Variants in PRKG1 observed in about 807,000 individuals in gnomAD.
PRKG1 encodes the protein protein kinase cGMP-dependent 1.
In PRKG1, 35 loss-of-function variants were observed where a neutral mutation model predicts 88.1. The ratio of observed to expected loss-of-function variants is 0.40; its 90% CI spans 0.30 to 0.53. PRKG1 has a LOEUF of 0.53. Among genes scored for constraint, PRKG1 ranks in the 20% least tolerant of loss-of-function variants. The probability of loss-of-function intolerance (pLI) is 0.59; values close to 1 mark genes in which losing one functional copy is unlikely to be tolerated. For synonymous variants in PRKG1, 303 were observed against 292.5 expected (o/e 1.04, Z -0.37); for missense variants, 540 against 839.8 (o/e 0.64, Z 4.41).
At chr10:52,264,490 G>A (rs1262955533) in intron 10 of PRKG1, among the ~76,000 whole-genome samples, 2 of 151,506 alleles carry the variant, frequency 1.3e-5, no homozygotes, top group East Asian at 1.9e-4. Context: ...TATATTAAAC[G>A]TGGGTTACTT....
chr10:52,232,820 G>C (rs1479424158), intron 9 of PRKG1, among the ~76,000 whole-genome samples: 1 of 152,118 alleles, frequency 6.6e-6, no homozygotes, highest in Non-Finnish European at 1.5e-5. Context: ...AGTTTCTAAG[G>C]CTTCCACCTC....
intron 4 of PRKG1, among the ~76,000 whole-genome samples, chr10:51,905,138 A>T (rs770273590): frequency 1.3e-5 from 2 of 152,172 alleles, no homozygotes; most frequent in African/African-American, 4.8e-5. Context: ...TTCAACCTAC[A>T]TAACTCATGG....
chr10:51,077,900 C>T (rs984939904), intron 1 of PRKG1, among the ~76,000 whole-genome samples: 2 of 152,060 alleles, frequency 1.3e-5, no homozygotes, highest in African/African-American at 2.4e-5. Flanking sequence ...AAAACAAAAC[C>T]TAAGCATTCA....
intron 3 of PRKG1, among the ~76,000 whole-genome samples, chr10:51,505,051 G>A (rs1025269997): frequency 2.8e-4 from 42 of 152,116 alleles, no homozygotes; most frequent in African/African-American, 7.7e-4. Context: ...TCTTGTGCCC[G>A]TTTTCAAAGG....
At chr10:51,817,431 G>C (rs1839622160) in intron 4 of PRKG1, among the ~76,000 whole-genome samples, 1 of 143,468 alleles carries the variant, frequency 7.0e-6, no homozygotes, top group Admixed American at 7.9e-5. Context: ...TCCCGCTTAT[G>C]AGTGAGAATA....
chr10:51,482,567 A>G (rs1015692272), intron 3 of PRKG1, among the ~76,000 whole-genome samples: 3 of 152,042 alleles, frequency 2.0e-5, no homozygotes, highest in Non-Finnish European at 4.4e-5. Flanking sequence ...TCCCCCTTAC[A>G]TCTACCCTGG....
intron 2 of PRKG1, among the ~76,000 whole-genome samples, chr10:51,379,543 A>G (rs375275163): frequency 2.4e-4 from 36 of 152,320 alleles, no homozygotes; most frequent in African/African-American, 8.2e-4. Flanking sequence ...CTTCCCTCTT[A>G]ATAATTCCAT....
intron 3 of PRKG1, among the ~76,000 whole-genome samples, chr10:51,701,137 T>G (rs1841455138): frequency 6.6e-6 from 1 of 152,242 alleles, no homozygotes; most frequent in African/African-American, 2.4e-5. Flanking sequence ...TTCATTTTAC[T>G]TTTTTAAATG....
At chr10:51,567,911 G>C (rs2132161782) in intron 3 of PRKG1, among the ~76,000 whole-genome samples, 1 of 152,124 alleles carries the variant, frequency 6.6e-6, no homozygotes, top group South Asian at 2.1e-4. Flanking sequence ...TTGAAGTTTT[G>C]TCAGAACTGG....
chr10:51,077,677 C>T (rs1843992686), intron 1 of PRKG1, among the ~76,000 whole-genome samples: 1 of 152,130 alleles, frequency 6.6e-6, no homozygotes, highest in African/African-American at 2.4e-5. Context: ...GATTCCAGCA[C>T]TGAGCCAGGA....
At chr10:51,661,413 GCAAAGGATATGAACAGA>G (rs1277214481) in intron 3 of PRKG1, among the ~76,000 whole-genome samples, 2 of 152,078 alleles carry the variant, frequency 1.3e-5, no homozygotes, top group African/African-American at 4.8e-5. Flanking sequence ...CAAAAAGTGG[GCAAAGGATATGAACAGA>G]CACTTCTCAA....
chr10:52,048,031 G>A (rs529983101), intron 5 of PRKG1, among the ~76,000 whole-genome samples: 204 of 152,036 alleles, frequency 1.3e-3, no homozygotes, highest in Non-Finnish European at 2.3e-3. Context: ...AATAAAGCGG[G>A]CATACAAAGG....
intron 5 of PRKG1, among the ~76,000 whole-genome samples, chr10:52,023,730 G>A (rs779963429): frequency 1.3e-5 from 2 of 152,142 alleles, no homozygotes; most frequent in African/African-American, 2.4e-5. Flanking sequence ...AGAAGTGTCT[G>A]TTCATATCCT....
chr10:52,187,243 T>TGGAAG, intron 9 of PRKG1, among the ~76,000 whole-genome samples: 2 of 152,156 alleles, frequency 1.3e-5, no homozygotes, highest in African/African-American at 4.8e-5. Flanking sequence ...CTCAGTTTGC[T>TGGAAG]TCTACACATT....
chr10:51,523,510 T>C (rs1020867860), intron 3 of PRKG1, among the ~76,000 whole-genome samples: 4 of 152,192 alleles, frequency 2.6e-5, no homozygotes, highest in Admixed American at 2.6e-4. Flanking sequence ...AACTTCAGTG[T>C]CTCTAGGATA....
intron 3 of PRKG1, among the ~76,000 whole-genome samples, chr10:51,713,848 T>C (rs1238180791): frequency 6.6e-6 from 1 of 152,244 alleles, no homozygotes; most frequent in African/African-American, 2.4e-5. Flanking sequence ...AATTATATGG[T>C]TTCTAATATC....
rs113216473 is a variant in PRKG1 at position 51,686,011 on chromosome 10, T to A, written c.593-118574T>A. 4.7e-4 allele frequency among the ~76,000 whole-genome samples: 71 copies of A among 152,208 alleles called. 1 individual carries two copies. The highest frequency in any genetic ancestry group is 1.7e-3 in the African/African-American group (69 of 41,516). On this transcript the variant is annotated intron_variant, in intron 3 of 17. Coordinates refer to ENST00000373980, the MANE Select transcript of PRKG1 (RefSeq NM_006258.4). ...ATGGGCTGAGTCACTGACCAGCCCA[T>A]CAATCCCCTTCCTTCTATGTAATCC...
chr10:51,316,155 A>G (rs2132498982), intron 2 of PRKG1, among the ~76,000 whole-genome samples: 1 of 152,338 alleles, frequency 6.6e-6, no homozygotes, highest in East Asian at 1.9e-4. Context: ...AAGAAAATCT[A>G]AGAGAGATTC....
intron 7 of PRKG1, among the ~76,000 whole-genome samples, chr10:52,095,210 C>T (rs1389273870): frequency 3.9e-5 from 6 of 152,132 alleles, no homozygotes; most frequent in Non-Finnish European, 5.9e-5. Flanking sequence ...CCTGTTATTT[C>T]CTCTGCCTGG....
Sources: allele counts gnomAD v4.1 joint callset (sites outside exome capture counted in the v4.1 genomes callset), GRCh38; gene constraint gnomAD v4.1.1; transcripts MANE v1.5; gene names NCBI Gene and HGNC (gene_info 2026-07-23, HGNC 2026-07-21).